Variants in LRRC3C observed in about 807,000 individuals in gnomAD.
LRRC3C encodes the protein leucine-rich repeat-containing protein 3C.
In LRRC3C, 11 loss-of-function variants were observed where a neutral mutation model predicts 14.8. The ratio of observed to expected loss-of-function variants is 0.74; its 90% CI spans 0.47 to 1.23. The LOEUF (loss-of-function observed/expected upper bound fraction) is 1.23, where lower values mean the gene tolerates loss of function less well. Ranked by LOEUF, LRRC3C falls within the 50% of genes most tolerant of loss-of-function variation. LRRC3C has a pLI of 0.00. For missense variants in LRRC3C, 354 were observed against 361.8 expected (o/e 0.98, Z 0.18); for synonymous variants, 149 against 161.5 (o/e 0.92, Z 0.59).
intron 1 of LRRC3C, among the ~76,000 whole-genome samples, chr17:39,935,440 C>T (rs148423626): frequency 8.9e-4 from 135 of 152,260 alleles, no homozygotes; most frequent in Non-Finnish European, 1.5e-3. Flanking sequence ...CCAGTCTTCC[C>T]TCATTGGCTG....
intron 1 of LRRC3C, among the ~76,000 whole-genome samples, chr17:39,934,014 T>C (rs1978729899): frequency 6.6e-6 from 1 of 152,244 alleles, no homozygotes; most frequent in Non-Finnish European, 1.5e-5. Context: ...ATGACCCTCC[T>C]GAGAACTACT....
At chr17:39,938,408 G>A (rs1369065872) in intron 2 of LRRC3C, among the ~76,000 whole-genome samples, 1 of 150,886 alleles carries the variant, frequency 6.6e-6, no homozygotes, top group Non-Finnish European at 1.5e-5. Context: ...ACCCTTTCAT[G>A]TTCAAAGTAG....
At chr17:39,930,590 C>A (rs1295563461) in intron 1 of LRRC3C, among the ~76,000 whole-genome samples, 1 of 150,118 alleles carries the variant, frequency 6.7e-6, no homozygotes, top group Non-Finnish European at 1.5e-5. Context: ...CGCCTGTAAT[C>A]CCAGCTACTC....
At chr17:39,943,068 T>C (rs1444058187) in intron 3 of LRRC3C, among the ~76,000 whole-genome samples, 1 of 152,090 alleles carries the variant, frequency 6.6e-6, no homozygotes, top group Non-Finnish European at 1.5e-5. Flanking sequence ...TTCATCAGGG[T>C]CCAGGATCTG....
intron 2 of LRRC3C, among the ~76,000 whole-genome samples, chr17:39,940,473 T>C (rs1978908306): frequency 6.6e-6 from 1 of 152,164 alleles, no homozygotes; most frequent in Non-Finnish European, 1.5e-5. Flanking sequence ...AGTGCAGTGG[T>C]GCAATCACAG....
At chr17:39,943,826 C>T in intron 3 of LRRC3C, 107 bp from the exon 4 acceptor site, 1 of 1,093,274 alleles carries the variant, frequency 9.1e-7, no homozygotes, top group Non-Finnish European at 1.3e-6. Flanking sequence ...GAGAAGAGGC[C>T]CCAGCCCAAA....
At chr17:39,943,887 G>T in intron 3 of LRRC3C, 46 bp from the exon 4 acceptor site, 1 of 1,525,188 alleles carries the variant, frequency 6.6e-7, no homozygotes, top group Non-Finnish European at 8.8e-7. Context: ...TGGGGCATGC[G>T]ATTCTCTTGA....
chr17:39,935,872 C>T lies in LRRC3C; in HGVS notation c.-104C>T, dbSNP rs1978782463. ...CCCAGTAACCTGGCATTAGACGGGT[C>T]CCTGGCTGACCTGATAAAGAAGGTA... On this transcript the variant is annotated 5_prime_UTR_variant, in exon 2 of 4. Coordinates refer to ENST00000377924, the MANE Select transcript of LRRC3C (RefSeq NM_001195545.2). 2.0e-6 allele frequency: 2 copies of T among 985,408 alleles called. No individual in the cohort carries two copies. The highest frequency in any genetic ancestry group is 2.4e-6 in the Non-Finnish European group (2 of 829,914). 61.0% of individuals were successfully genotyped at this position (985,408 alleles called of 1,614,324 possible). A position where few individuals can be genotyped will look rare whatever the true frequency, so the allele number is the denominator to read the frequency against.
intron 3 of LRRC3C, 72 bp from the exon 4 acceptor site, chr17:39,943,861 A>T: frequency 6.9e-7 from 1 of 1,459,476 alleles, no homozygotes; most frequent in Non-Finnish European, 9.3e-7. Context: ...GGACCTCGGG[A>T]GGAGAAAGCT....
chr17:39,941,079 G>A (rs998011850), intron 2 of LRRC3C, among the ~76,000 whole-genome samples: 6 of 151,736 alleles, frequency 4.0e-5, no homozygotes, highest in African/African-American at 1.5e-4. Context: ...CCTGGGTGTG[G>A]TGGCTCACAT....
chr17:39,943,801 TGA>T, intron 3 of LRRC3C, 130 bp from the exon 4 acceptor site: 1 of 786,746 alleles, frequency 1.3e-6, no homozygotes, highest in Non-Finnish European at 2.0e-6. Flanking sequence ...CACCCAGGCT[TGA>T]GAGAAGCCCC....
chr17:39,935,592 G>T (rs1307242108), intron 1 of LRRC3C, among the ~76,000 whole-genome samples: 3 of 152,120 alleles, frequency 2.0e-5, no homozygotes, highest in East Asian at 3.9e-4. Context: ...GGTTGAGGCT[G>T]CAAGTGAGCT....
rs1239906152 is a variant in LRRC3C, at chr17:39,927,784, CG to C, written c.-204del. The C allele has an allele frequency of 1.0e-6, 1 of 985,362 alleles. No individual in the cohort carries two copies. The highest frequency in any genetic ancestry group is 1.2e-6 in the Non-Finnish European group (1 of 829,968). The allele number at this position is 985,362 out of a possible 1,614,324, so 61.0% of individuals were successfully genotyped here. On this transcript the variant is annotated 5_prime_UTR_variant, in exon 1 of 4. Transcript: ENST00000377924. ...CGCACGGTTGGAAGTTGTACCGTGACGTGATGGTCAGATCGGATGATAGAAT... is the reference window on the plus strand; with the variant it reads ...CGCACGGTTGGAAGTTGTACCGTGACTGATGGTCAGATCGGATGATAGAAT...
chr17:39,944,485 G>T lies in LRRC3C; in HGVS notation c.579G>T (p.Pro193=), dbSNP rs190950285. 6.7e-7 allele frequency: 1 copy of T among 1,487,564 alleles called. No individual in the cohort carries two copies. Among genetic ancestry groups the T allele is most frequent in the South Asian group, 1.3e-5 (1 of 75,338 alleles). The allele number at this position is 1,487,564 out of a possible 1,614,324, so 92.1% of individuals were successfully genotyped here. A position where few individuals can be genotyped will look rare whatever the true frequency, so the allele number is the denominator to read the frequency against. The stretch of plus-strand genomic sequence containing the variant: ...TCGTGTGTGGCTCAGGAGCCCGACC[G>T]GACCTCGTGGGGCAGGAGTTCCTGC... The part of the protein sequence containing the change: ...TGIVCGSGAR[P]DLVGQEFLLL... The change falls in exon 4 of 4, where the codon CCG becomes CCT. Residue 193 remains proline, a synonymous_variant. Transcript: ENST00000377924.
At chr17:39,936,305 C>T (rs1320477641) in intron 2 of LRRC3C, among the ~76,000 whole-genome samples, 2 of 152,204 alleles carry the variant, frequency 1.3e-5, no homozygotes, top group African/African-American at 2.4e-5. Context: ...TGGTCTTGGG[C>T]CTAGCCCGAG....
At chr17:39,933,054 A>G (rs1978694110) in intron 1 of LRRC3C, among the ~76,000 whole-genome samples, 1 of 121,764 alleles carries the variant, frequency 8.2e-6, no homozygotes, top group African/African-American at 3.2e-5. Flanking sequence ...CTTTGTCTCA[A>G]AAAATAAAGA....
intron 1 of LRRC3C, among the ~76,000 whole-genome samples, chr17:39,929,713 G>A (rs1299139859): frequency 1.3e-5 from 2 of 152,158 alleles, no homozygotes; most frequent in African/African-American, 4.8e-5. Flanking sequence ...CCCATGTACA[G>A]GAAAAGCTGC....
At chr17:39,943,247 G>A (rs948796840) in intron 3 of LRRC3C, among the ~76,000 whole-genome samples, 2 of 152,318 alleles carry the variant, frequency 1.3e-5, no homozygotes, top group South Asian at 2.1e-4. Flanking sequence ...CCCAGCAGCA[G>A]GGAGCCTACG....
At chr17:39,938,817 C>T (rs1978866690) in intron 2 of LRRC3C, among the ~76,000 whole-genome samples, 1 of 152,098 alleles carries the variant, frequency 6.6e-6, no homozygotes, top group African/African-American at 2.4e-5. Context: ...GAAACCTCAT[C>T]TCTGCTAAAA....
Sources: allele counts gnomAD v4.1 joint callset (sites outside exome capture counted in the v4.1 genomes callset), GRCh38; gene constraint gnomAD v4.1.1; transcripts MANE v1.5; gene names NCBI Gene and HGNC (gene_info 2026-07-23, HGNC 2026-07-21).